The following PRH1 variants were observed in gnomAD, a reference collection of about 807,000 sequenced individuals.
The protein encoded by PRH1 is proline rich protein HaeIII subfamily 1.
PRH1 carries 7 observed loss-of-function variants against 7.9 expected under a neutral mutation model. The observed-to-expected ratio is 0.89, with a 90% CI of 0.50 to 1.67. PRH1 has a LOEUF of 1.67. PRH1 is among the 40% of genes most tolerant of loss of function. The pLI, the probability that PRH1 is intolerant of heterozygous loss-of-function variation, is 0.00. For missense variants in PRH1, 109 were observed against 223.6 expected, an observed-to-expected ratio of 0.49 and a Z score of 3.27; for synonymous variants, 45 against 80.8, an observed-to-expected ratio of 0.56 and a Z score of 2.38.
chr12:11,002,033 T>C (rs1298008541), intron 1 of PRH1, among the ~76,000 whole-genome samples: 1 of 152,174 alleles, frequency 6.6e-6, no homozygotes, highest in Non-Finnish European at 1.5e-5. Context: ...TAAGGTTATC[T>C]ATAATGATTT....
At chr12:11,043,583 A>G (rs1344639162) in intron 1 of PRH1, among the ~76,000 whole-genome samples, 1 of 148,354 alleles carries the variant, frequency 6.7e-6, no homozygotes, top group East Asian at 2.0e-4. Flanking sequence ...TTGATAAACA[A>G]ACTCAATAAA....
chr12:10,906,880 T>C (rs558066693), intron 2 of PRH1, among the ~76,000 whole-genome samples: 3 of 152,128 alleles, frequency 2.0e-5, no homozygotes, highest in Admixed American at 1.3e-4. Flanking sequence ...CATTTACAAC[T>C]CAGTAATAAA....
chr12:10,904,898 C>T lies in PRH1; in HGVS notation c.-58-20623G>A, dbSNP rs144152148. Among the ~76,000 whole-genome samples, 493 of 151,982 alleles carry T rather than the reference C, an allele frequency of 3.2e-3. 1 individual carries two copies. The highest frequency in any genetic ancestry group is 0.011 in the African/African-American group (451 of 41,462). On this transcript the variant is annotated intron_variant, in intron 2 of 3. Coordinates refer to the PRH1 transcript ENST00000539853. ...CAGGCACTTTTCAAAAGAAGACATA[C>T]GAGCAGCCAACAAATATTTTAAAAG...
intron 1 of PRH1, chr12:11,021,720 C>G (rs567559465): frequency 1.2e-6 from 2 of 1,614,118 alleles, no homozygotes; most frequent in Admixed American, 3.3e-5. Context: ...GTTTTAGCTT[C>G]CTACTTCCCA....
chr12:11,101,639 T>A (rs913024610), intron 1 of PRH1, among the ~76,000 whole-genome samples: 81 of 152,210 alleles, frequency 5.3e-4, no homozygotes, highest in African/African-American at 1.9e-3. Context: ...GTACTTTAGG[T>A]TTCTGCTTTT....
intron 1 of PRH1, among the ~76,000 whole-genome samples, chr12:11,071,306 T>A (rs73045568): frequency 6.6e-6 from 1 of 150,770 alleles, no homozygotes; most frequent in Non-Finnish European, 1.5e-5. Flanking sequence ...ACTTTTATAA[T>A]GTATTTCTGC....
At chr12:11,149,983 G>A (rs1470565761) in intron 1 of PRH1, among the ~76,000 whole-genome samples, 7 of 128,592 alleles carry the variant, frequency 5.4e-5, no homozygotes, top group Admixed American at 3.9e-4. Flanking sequence ...GAAAAAAACA[G>A]ACAACCCCAT....
chr12:11,062,294 T>C lies in PRH1; in HGVS notation n.124-15106A>G, dbSNP rs779231602. On this transcript the variant is annotated intron_variant and non_coding_transcript_variant, in intron 1 of 4. Transcript: ENST00000541977. ...AAAATGATGGGCAGAAAAGTTATCA[T>C]GTCTGAACAGACAAAAAGAAATTTT... 6.9e-6 allele frequency: 11 copies of C among 1,600,932 alleles called. No homozygotes were observed. The African/African-American group carries it at 9.5e-5, about 14-fold the overall frequency.
At chr12:10,902,612 C>G (rs952448716) in intron 2 of PRH1, among the ~76,000 whole-genome samples, 1 of 152,012 alleles carries the variant, frequency 6.6e-6, no homozygotes, top group African/African-American at 2.4e-5. Context: ...ATCTTAAAGG[C>G]AGCTAGAGAA....
chr12:10,945,289 C>G (rs141531796), intron 2 of PRH1, among the ~76,000 whole-genome samples: 1 of 151,880 alleles, frequency 6.6e-6, no homozygotes, highest in Non-Finnish European at 1.5e-5. Flanking sequence ...TTGGGAGTAT[C>G]GGGTGAAATT....
chr12:11,171,344 C>T (rs138614662), intron 1 of PRH1: 18,321 of 1,230,684 alleles, frequency 0.015, 162 homozygotes, highest in Non-Finnish European at 0.017. Context: ...GGGCGGGCGG[C>T]GACACCTGGC....
intron 2 of PRH1, among the ~76,000 whole-genome samples, chr12:10,969,617 G>GC: frequency 6.6e-6 from 1 of 151,930 alleles, no homozygotes; most frequent in East Asian, 1.9e-4. Flanking sequence ...CCAGCAAATA[G>GC]CACCTGCTCT....
Position 11,090,284 on chromosome 12 carries a change from A to C in PRH1, n.124-43096T>G, listed in dbSNP as rs368471105. On this transcript the variant is annotated intron_variant and non_coding_transcript_variant, in intron 1 of 4. Transcript: ENST00000541977. ...AAAGTTTGACTGAAATATTTTCCAC[A>C]ATTTCTATACTATATTTACATTGAT... is the stretch of plus-strand genomic sequence containing the variant. Among the ~76,000 whole-genome samples the C allele has an allele frequency of 1.1e-4, 13 of 116,048 alleles. 1 individual carries two copies. The East Asian group carries it at 1.7e-3, about 15-fold the overall frequency. The allele number at this position is 116,048 out of a possible 152,430, so 76.1% of individuals were successfully genotyped here.
At chr12:11,116,785 A>G (rs1311662409), downstream of PRH1, among the ~76,000 whole-genome samples, 2 of 152,142 alleles carry the variant, frequency 1.3e-5, no homozygotes, top group Non-Finnish European at 2.9e-5. Flanking sequence ...AAATCAATCA[A>G]TGTGATACAT....
intron 2 of PRH1, among the ~76,000 whole-genome samples, chr12:10,905,518 T>G (rs11054069): frequency 2.4e-4 from 37 of 151,978 alleles, no homozygotes; most frequent in African/African-American, 8.9e-4. Context: ...ATACAAAAAT[T>G]AGCCGGGCGT....
chr12:11,125,534 ATCTT>A (rs1716045361), intron 1 of PRH1, among the ~76,000 whole-genome samples: 1 of 152,302 alleles, frequency 6.6e-6, no homozygotes, highest in African/African-American at 2.4e-5. Flanking sequence ...TAACAAAATT[ATCTT>A]TCTACTAATT....
At chr12:10,893,611 G>A (rs1474123543) in intron 2 of PRH1, among the ~76,000 whole-genome samples, 2 of 152,166 alleles carry the variant, frequency 1.3e-5, no homozygotes, top group East Asian at 3.9e-4. Context: ...AAATCTCGTG[G>A]TCTATTCTCT....
chr12:11,077,883 G>T, intron 1 of PRH1: 3 of 990,270 alleles, frequency 3.0e-6, no homozygotes, highest in Non-Finnish European at 4.8e-6. Flanking sequence ...TCTTCTTTAG[G>T]TGGAGAAAAA....
At chr12:10,886,082 A>G (rs1949487902), upstream of PRH1, among the ~76,000 whole-genome samples, 1 of 152,214 alleles carries the variant, frequency 6.6e-6, no homozygotes, top group South Asian at 2.1e-4. Flanking sequence ...TGTGGGAAGT[A>G]GATCAGCTCT....
Sources: allele counts gnomAD v4.1 joint callset (sites outside exome capture counted in the v4.1 genomes callset), GRCh38; gene constraint gnomAD v4.1.1; transcripts MANE v1.5; gene names NCBI Gene and HGNC (gene_info 2026-07-23, HGNC 2026-07-21).